KCNJ6: variants seen among roughly 807,000 people sequenced by gnomAD.
KCNJ6 encodes potassium inwardly rectifying channel subfamily J member 6.
KCNJ6 carries 9 observed loss-of-function variants against 34.2 expected under a neutral mutation model. The observed-to-expected ratio is 0.26, with a 90% confidence interval of 0.16 to 0.46. The LOEUF (loss-of-function observed/expected upper bound fraction) is 0.46. KCNJ6 is among the 20% of genes least tolerant of loss of function. The pLI is 1.00. For missense variants in KCNJ6, 236 were observed against 531.3 expected, an observed-to-expected ratio of 0.44 and a Z score of 5.46; for synonymous variants, 196 against 207.1, an observed-to-expected ratio of 0.95 and a Z score of 0.46.
Position 37,613,359 on chromosome 21 carries a change from A to T in KCNJ6, c.*11800T>A, listed in dbSNP as rs180887226. 79 of 152,402 alleles carry T rather than the reference A, an allele frequency of 5.2e-4. No homozygotes were observed. Among genetic ancestry groups the T allele is most frequent in the African/African-American group, 1.8e-3 (75 of 41,592 alleles). The allele number at this position is 152,402 out of a possible 1,614,324, so 9.4% of individuals were successfully genotyped here. A position where few individuals can be genotyped will look rare whatever the true frequency, so the allele number is the denominator to read the frequency against. ...TAGTGGAATGCAAAACAGTACAGCC[A>T]CTTTGGAAGGCAGTTTGGCTGTGTC... is the stretch of plus-strand genomic sequence containing the variant. On this transcript the variant is annotated 3_prime_UTR_variant, in exon 4 of 4. Coordinates refer to ENST00000609713, the MANE Select transcript of KCNJ6 (RefSeq NM_002240.5).
At chr21:37,691,284 G>A (rs937054861) in intron 3 of KCNJ6, among the ~76,000 whole-genome samples, 1 of 152,184 alleles carries the variant, frequency 6.6e-6, no homozygotes, top group Non-Finnish European at 1.5e-5. Flanking sequence ...CCTCTGTCAG[G>A]ACCTCTAAGG....
rs2054782803 is a variant in KCNJ6, at chr21:37,715,049, G to A, written c.108C>T (p.Ala36=). ...TGATGTGTCTTGGCAGGTCATCCCTGGCCTGCTTAGGCAACTTTGGCTGGT... is the reference window on the plus strand; with the variant it reads ...TGATGTGTCTTGGCAGGTCATCCCTAGCCTGCTTAGGCAACTTTGGCTGGT... ...AIHQPKLPKQ[A]RDDLPRHISR... The change falls in exon 3 of 4, where the codon GCC becomes GCT. Residue 36 remains alanine (A), a synonymous_variant. Transcript: ENST00000609713. The A allele has an allele frequency of 6.2e-7, 1 of 1,614,032 alleles. No homozygotes were observed.
At chr21:37,895,775 C>T (rs1378900005) in intron 1 of KCNJ6, among the ~76,000 whole-genome samples, 5 of 152,198 alleles carry the variant, frequency 3.3e-5, no homozygotes, top group Non-Finnish European at 7.4e-5. Context: ...CCTGCCCTGA[C>T]AGTGGTGCCC....
chr21:37,881,745 T>C (rs1290232544), intron 1 of KCNJ6, among the ~76,000 whole-genome samples: 1 of 152,156 alleles, frequency 6.6e-6, no homozygotes, highest in African/African-American at 2.4e-5. Flanking sequence ...TTACCTTATC[T>C]AATCCTAAAT....
intron 2 of KCNJ6, among the ~76,000 whole-genome samples, chr21:37,720,708 T>C (rs2054821005): frequency 6.6e-6 from 1 of 150,640 alleles, no homozygotes; most frequent in Non-Finnish European, 1.5e-5. Flanking sequence ...TTTTCTTTTT[T>C]TTTTTTTTTT....
At chr21:37,803,421 TG>T (rs1376031340) in intron 2 of KCNJ6, among the ~76,000 whole-genome samples, 1 of 152,180 alleles carries the variant, frequency 6.6e-6, no homozygotes, top group African/African-American at 2.4e-5. Flanking sequence ...GTGGTGATGC[TG>T]GGGCTGGAGT....
rs752373733 is a variant in KCNJ6 at position 37,715,021 on chromosome 21, G to T, written c.136C>A (p.Arg46=). ...ARDDLPRHIS[R]DRTKRKIQRY... is the part of the protein sequence containing the mutation. ...TGGATTTTCCTTTTGGTCCGATCTCGGCTGATGTGTCTTGGCAGGTCATCC... is the reference window on the plus strand; with the variant it reads ...TGGATTTTCCTTTTGGTCCGATCTCTGCTGATGTGTCTTGGCAGGTCATCC... Residue 46 remains arginine, a synonymous_variant, in exon 3 of 4, where the codon CGA becomes AGA. Transcript: ENST00000609713. The T allele has an allele frequency of 6.8e-6, 11 of 1,614,060 alleles. No individual in the cohort carries two copies. Among genetic ancestry groups the T allele is most frequent in the Middle Eastern group, 1.6e-4 (1 of 6,084 alleles).
intron 3 of KCNJ6, among the ~76,000 whole-genome samples, chr21:37,706,799 A>G (rs1180186383): frequency 6.6e-6 from 1 of 152,256 alleles, no homozygotes; most frequent in Non-Finnish European, 1.5e-5. Flanking sequence ...ATGAAAGTAA[A>G]TATTATTTGG....
At chr21:37,849,472 C>A (rs1426924062) in intron 1 of KCNJ6, among the ~76,000 whole-genome samples, 2 of 152,186 alleles carry the variant, frequency 1.3e-5, no homozygotes, top group Non-Finnish European at 2.9e-5. Flanking sequence ...TAGTTCCTTT[C>A]TTTCCCCTTT....
At chr21:37,837,675 T>C (rs952255400) in intron 2 of KCNJ6, among the ~76,000 whole-genome samples, 6 of 152,026 alleles carry the variant, frequency 3.9e-5, no homozygotes, top group African/African-American at 1.4e-4. Flanking sequence ...TGGAAACCCA[T>C]TCATAGCATT....
In KCNJ6 at chr21:37,617,072, C is replaced by CTT. The variant is rs2054273380; in HGVS notation, c.*8085_*8086dup. On this transcript the variant is annotated 3_prime_UTR_variant, in exon 4 of 4. Coordinates refer to ENST00000609713, the MANE Select transcript of KCNJ6 (RefSeq NM_002240.5). ...TCTTTCTTTTCTTTTCTTTTCTTTT[C>CTT]TTTTCTTTCTTTTTCTTTCTTTCTT... 4.0e-5 allele frequency: 3 copies of CTT among 74,174 alleles called. No individual in the cohort carries two copies. Among genetic ancestry groups the CTT allele is most frequent in the South Asian group, 4.4e-4 (1 of 2,248 alleles). The allele number at this position is 74,174 out of a possible 1,614,324, so 4.6% of individuals were successfully genotyped here. A position where few individuals can be genotyped will look rare whatever the true frequency, so the allele number is the denominator to read the frequency against.
intron 2 of KCNJ6, among the ~76,000 whole-genome samples, chr21:37,775,136 C>T (rs1005810581): frequency 2.0e-5 from 3 of 152,216 alleles, no homozygotes; most frequent in Non-Finnish European, 4.4e-5. Context: ...CTTTTGGCTG[C>T]ATAAATGTCT....
intron 1 of KCNJ6, among the ~76,000 whole-genome samples, chr21:37,862,090 T>C (rs2055597477): frequency 6.6e-6 from 1 of 152,214 alleles, no homozygotes; most frequent in Non-Finnish European, 1.5e-5. Flanking sequence ...AAGACAGCCC[T>C]TCTTGGAACC....
chr21:37,696,874 G>A (rs897456421), intron 3 of KCNJ6, among the ~76,000 whole-genome samples: 2 of 152,186 alleles, frequency 1.3e-5, no homozygotes, highest in African/African-American at 4.8e-5. Flanking sequence ...GATAGATGTG[G>A]TAAAATGTGG....
intron 3 of KCNJ6, among the ~76,000 whole-genome samples, chr21:37,654,936 A>G (rs1464586334): frequency 6.6e-6 from 1 of 152,198 alleles, no homozygotes; most frequent in African/African-American, 2.4e-5. Context: ...GGCCCGAGTC[A>G]ATCACTGTGA....
At chr21:37,662,842 G>T (rs2054496263) in intron 3 of KCNJ6, among the ~76,000 whole-genome samples, 1 of 151,776 alleles carries the variant, frequency 6.6e-6, no homozygotes, top group African/African-American at 2.4e-5. Context: ...TTTTGGATTT[G>T]CATTTCTTGA....
At chr21:37,644,191 A>G (rs971774926) in intron 3 of KCNJ6, among the ~76,000 whole-genome samples, 1 of 152,180 alleles carries the variant, frequency 6.6e-6, no homozygotes, top group Non-Finnish European at 1.5e-5. Context: ...TCATGAACAC[A>G]TAGAGGGGAA....
At chr21:37,875,860 C>T (rs1463634169) in intron 1 of KCNJ6, among the ~76,000 whole-genome samples, 1 of 152,130 alleles carries the variant, frequency 6.6e-6, no homozygotes, top group Non-Finnish European at 1.5e-5. Flanking sequence ...TCTTTTAGTA[C>T]TAAATAATTC....
At chr21:37,862,644 T>C (rs2055600288) in intron 1 of KCNJ6, among the ~76,000 whole-genome samples, 1 of 152,234 alleles carries the variant, frequency 6.6e-6, no homozygotes, top group Admixed American at 6.5e-5. Flanking sequence ...GTTTACCCTG[T>C]GTAGATAGTC....
Sources: gnomAD v4.1 joint callset for allele counts (sites outside exome capture counted in the v4.1 genomes callset) on GRCh38, gnomAD v4.1.1 for gene constraint, MANE v1.5 for transcripts, NCBI Gene and HGNC (gene_info 2026-07-23, HGNC 2026-07-21) for gene names.